MCF2L2: variants seen among roughly 807,000 people sequenced by gnomAD.
MCF2L2 encodes the protein MCF.2 cell line derived transforming sequence-like 2.
Under a neutral mutation model 150.2 loss-of-function variants are expected in MCF2L2, and 102 were observed. That is an observed-to-expected ratio of 0.68 (90% CI 0.58 to 0.80). MCF2L2 has a LOEUF of 0.80. MCF2L2 is among the 30% of genes least tolerant of loss of function. The probability of loss-of-function intolerance (pLI) is 0.00; values close to 1 mark genes in which losing one functional copy is unlikely to be tolerated. For missense variants in MCF2L2, 1,256 were observed against 1,372.8 expected (o/e 0.91, Z 1.34); for synonymous variants, 465 against 491.3 (o/e 0.95, Z 0.71).
intron 17 of MCF2L2, among the ~76,000 whole-genome samples, chr3:183,229,356 C>T (rs977115238): frequency 6.6e-6 from 1 of 152,160 alleles, no homozygotes; most frequent in Non-Finnish European, 1.5e-5. Flanking sequence ...GAGCACAGTG[C>T]CTGGCACAGA....
At chr3:183,205,816 T>A in intron 25 of MCF2L2, 60 bp downstream of exon 25, 1 of 1,257,382 alleles carries the variant, frequency 8.0e-7, no homozygotes, top group Non-Finnish European at 1.2e-6. Context: ...AATTTGCACA[T>A]CCCCCACTGA....
At position 183,301,793 on chromosome 3, in the gene MCF2L2, C is replaced by CAA. The variant is rs200514561; in HGVS notation, c.1114-1599_1114-1598dup. 4.8e-5 allele frequency among the ~76,000 whole-genome samples: 6 copies of CAA among 124,344 alleles called. No individual in the cohort carries two copies. The East Asian group carries it at 7.1e-4, about 15-fold the overall frequency. 81.6% of individuals were successfully genotyped at this position (124,344 alleles called of 152,430 possible). A position where few individuals can be genotyped will look rare whatever the true frequency, so the allele number is the denominator to read the frequency against. ...CTGGGTGAGAGCTAGGCTCTGTCTC[C>CAA]AAAAAAAAAAAAAAAAGAGAAAAGA... On this transcript the variant is annotated intron_variant, in intron 10 of 29. Transcript: ENST00000328913.
At chr3:183,343,944 G>T (rs1040919821) in intron 3 of MCF2L2, among the ~76,000 whole-genome samples, 1 of 152,084 alleles carries the variant, frequency 6.6e-6, no homozygotes, top group African/African-American at 2.4e-5. Flanking sequence ...GCCAAGGCAG[G>T]AGGATCGCTT....
intron 5 of MCF2L2, among the ~76,000 whole-genome samples, chr3:183,326,179 T>C (rs1166073747): frequency 1.3e-5 from 2 of 152,088 alleles, no homozygotes; most frequent in African/African-American, 4.8e-5. Context: ...ATACGATCAA[T>C]TGATTTTTTA....
chr3:183,256,281 C>G (rs1416445658), intron 15 of MCF2L2, among the ~76,000 whole-genome samples: 1 of 152,068 alleles, frequency 6.6e-6, no homozygotes, highest in Non-Finnish European at 1.5e-5. Context: ...CCTTTGATAT[C>G]GAATCTCTGT....
intron 27 of MCF2L2, among the ~76,000 whole-genome samples, chr3:183,180,818 C>A (rs903530838): frequency 1.3e-5 from 2 of 152,194 alleles, no homozygotes; most frequent in African/African-American, 4.8e-5. Context: ...GGGTCTCAGC[C>A]CCCTTTACAG....
At chr3:183,372,635 T>C (rs551767343) in intron 3 of MCF2L2, 2 of 152,134 alleles carry the variant, frequency 1.3e-5, no homozygotes, top group East Asian at 3.9e-4. Flanking sequence ...GAGGTTGCAG[T>C]GAGCCGAGAT....
At chr3:183,278,210 A>AT (rs1390231540) in intron 14 of MCF2L2, among the ~76,000 whole-genome samples, 1 of 146,888 alleles carries the variant, frequency 6.8e-6, no homozygotes, top group African/African-American at 2.6e-5. Context: ...ATATATATAT[A>AT]TTTTTTATTA....
chr3:183,272,482 A>G (rs1012874637), intron 15 of MCF2L2: 11 of 998,778 alleles, frequency 1.1e-5, no homozygotes, highest in East Asian at 2.3e-4. Flanking sequence ...GATACTTACA[A>G]TTTTTAGCAG....
At chr3:183,418,172 A>C (rs1216359806) in intron 1 of MCF2L2, among the ~76,000 whole-genome samples, 2 of 152,170 alleles carry the variant, frequency 1.3e-5, no homozygotes, top group Non-Finnish European at 2.9e-5. Context: ...TGGGTGACAG[A>C]GCAAGACTCC....
At chr3:183,372,395 A>G (rs1712940472) in intron 3 of MCF2L2, 1 of 152,148 alleles carries the variant, frequency 6.6e-6, no homozygotes, top group Non-Finnish European at 1.5e-5. Context: ...TATTCATCAC[A>G]CTGTATGTGA....
chr3:183,320,779 C>T (rs1021600546), intron 6 of MCF2L2, among the ~76,000 whole-genome samples: 8 of 152,290 alleles, frequency 5.3e-5, no homozygotes, highest in Middle Eastern at 3.4e-3. Context: ...CACAACTAGG[C>T]GAACTGGCTA....
intron 27 of MCF2L2, among the ~76,000 whole-genome samples, chr3:183,184,562 C>T (rs1276865828): frequency 6.6e-6 from 1 of 152,146 alleles, no homozygotes; most frequent in Non-Finnish European, 1.5e-5. Flanking sequence ...CCTTAGTCGA[C>T]AATCTTTCTG....
At chr3:183,284,165 A>C (rs998583427) in intron 14 of MCF2L2, among the ~76,000 whole-genome samples, 3 of 152,160 alleles carry the variant, frequency 2.0e-5, no homozygotes, top group African/African-American at 7.2e-5. Flanking sequence ...CGTTGATCTT[A>C]ATGTTATTCT....
chr3:183,182,979 C>G (rs896925209), intron 27 of MCF2L2, among the ~76,000 whole-genome samples: 22 of 152,138 alleles, frequency 1.4e-4, no homozygotes, highest in Middle Eastern at 3.2e-3. Context: ...CCCAGGCCTT[C>G]CAGTCCCAGC....
At chr3:183,193,432 G>C (rs1721975045) in intron 26 of MCF2L2, among the ~76,000 whole-genome samples, 1 of 149,668 alleles carries the variant, frequency 6.7e-6, no homozygotes, top group Non-Finnish European at 1.5e-5. Context: ...CTCACTGCAA[G>C]CTCTGCCACC....
intron 15 of MCF2L2, among the ~76,000 whole-genome samples, chr3:183,268,352 A>C (rs1726360212): frequency 6.6e-6 from 1 of 152,224 alleles, no homozygotes; most frequent in African/African-American, 2.4e-5. Context: ...GTTAAATCCA[A>C]GTTTTACAAA....
rs374664757 is a variant in MCF2L2 at position 183,223,835 on chromosome 3, G to A, written c.2208+263C>T. On this transcript the variant is annotated intron_variant, in intron 19 of 29. Coordinates refer to ENST00000328913, the MANE Select transcript of MCF2L2 (RefSeq NM_015078.4). ...AGACGGTTTGTAGACATCATTCCAG[G>A]GAGCCCAAAGTGTGACATTTTTTAC... is the stretch of plus-strand genomic sequence containing the variant. Among the ~76,000 whole-genome samples the A allele has an allele frequency of 5.9e-5, 9 of 152,054 alleles. No homozygotes were observed. The South Asian group carries it at 1.0e-3, about 18-fold the overall frequency.
At chr3:183,200,782 T>A (rs1014558308) in intron 25 of MCF2L2, among the ~76,000 whole-genome samples, 1 of 152,232 alleles carries the variant, frequency 6.6e-6, no homozygotes, top group African/African-American at 2.4e-5. Flanking sequence ...CTTTAATCCA[T>A]CTTGAATTCA....
Sources: allele counts gnomAD v4.1 joint callset (sites outside exome capture counted in the v4.1 genomes callset), GRCh38; gene constraint gnomAD v4.1.1; transcripts MANE v1.5; gene names NCBI Gene and HGNC (gene_info 2026-07-23, HGNC 2026-07-21).